NT5C3A: variants seen among roughly 807,000 people sequenced by gnomAD.
The protein encoded by NT5C3A is cytosolic 5'-nucleotidase 3A.
Under a neutral mutation model 40.0 loss-of-function variants are expected in NT5C3A, and 23 were observed. The ratio of observed to expected loss-of-function variants is 0.58; its 90% CI spans 0.41 to 0.81. The LOEUF (loss-of-function observed/expected upper bound fraction) is 0.81, where lower values mean the gene tolerates loss of function less well. Among genes scored for constraint, NT5C3A ranks in the 40% least tolerant of loss-of-function variants. The probability of loss-of-function intolerance (pLI) is 0.00; values close to 1 mark genes in which losing one functional copy is unlikely to be tolerated. For missense variants in NT5C3A, 328 were observed against 403.0 expected (o/e 0.81, Z 1.59); for synonymous variants, 130 against 141.4 (o/e 0.92, Z 0.57).
rs544635032 is a variant in NT5C3A, at chr7:33,061,187, C to T, written c.138+1381G>A. Among the ~76,000 whole-genome samples, 16 of 152,240 alleles carry T rather than the reference C, an allele frequency of 1.1e-4. 1 individual carries two copies. The South Asian group carries it at 2.9e-3, about 28-fold the overall frequency. ...TTTTCCCCTACATAGGCATTATTAA[C>T]CTTGGGCAAAAGAAAGCCAAGTTTT... On this transcript the variant is annotated intron_variant, in intron 1 of 8. Coordinates refer to ENST00000610140, the MANE Select transcript of NT5C3A (RefSeq NM_001002010.5).
Position 33,058,361 on chromosome 7 carries a change from T to G in NT5C3A, c.138+4207A>C, listed in dbSNP as rs1313872574. On this transcript the variant is annotated intron_variant, in intron 1 of 8. Transcript: ENST00000610140. Reference sequence around the variant, plus strand: ...TATTTTTTTATTTTATTTTATTTTATTTTGAGATGACATCCTGCTCTGTCA... The same window carrying G: ...TATTTTTTTATTTTATTTTATTTTAGTTTGAGATGACATCCTGCTCTGTCA... Among the ~76,000 whole-genome samples, 2 of 144,724 alleles carry G rather than the reference T, an allele frequency of 1.4e-5. 1 individual carries two copies. Among genetic ancestry groups the G allele is most frequent in the Admixed American group, 1.4e-4 (2 of 13,946 alleles). The allele number at this position is 144,724 out of a possible 152,430, so 94.9% of individuals were successfully genotyped here.
intron 1 of NT5C3A, among the ~76,000 whole-genome samples, chr7:33,060,683 G>A (rs546055746): frequency 6.6e-6 from 1 of 152,270 alleles, no homozygotes; most frequent in Admixed American, 6.5e-5. Context: ...ACCAATATGA[G>A]CTATGTCTGT....
chr7:33,022,426 T>C (rs1475485022), intron 3 of NT5C3A, among the ~76,000 whole-genome samples: 1 of 73,236 alleles, frequency 1.4e-5, no homozygotes, highest in Non-Finnish European at 2.9e-5. Context: ...TGTAATTAAA[T>C]ATAAGAAACA....
In NT5C3A at chr7:33,033,895, A is replaced by AAT. The variant is rs1562595145; in HGVS notation, c.139-6981_139-6980insAT. ...TAAAAGACATATATATATATATATA[A>AAT]TTTTTTTTTTTTTTGAGAGGGAGTC... is the stretch of plus-strand genomic sequence containing the variant. On this transcript the variant is annotated intron_variant, in intron 1 of 8. Coordinates refer to ENST00000610140, the MANE Select transcript of NT5C3A (RefSeq NM_001002010.5). 5.8e-4 allele frequency among the ~76,000 whole-genome samples: 80 copies of AAT among 137,162 alleles called. No individual in the cohort carries two copies. The East Asian group carries it at 0.016, about 28-fold the overall frequency. 90.0% of individuals were successfully genotyped at this position (137,162 alleles called of 152,430 possible).
chr7:33,053,966 AT>A (rs1405893275), intron 1 of NT5C3A, among the ~76,000 whole-genome samples: 2 of 152,248 alleles, frequency 1.3e-5, no homozygotes, highest in African/African-American at 4.8e-5. Context: ...GACAAACATG[AT>A]TTGAAAGGAC....
chr7:33,046,516 A>AG (rs1236539111), intron 1 of NT5C3A, among the ~76,000 whole-genome samples: 1 of 125,528 alleles, frequency 8.0e-6, no homozygotes, highest in Non-Finnish European at 1.7e-5. Flanking sequence ...CCTGTGTGAC[A>AG]GGGGGAGGTT....
chr7:33,053,106 G>C (rs1787435517), intron 1 of NT5C3A, among the ~76,000 whole-genome samples: 1 of 152,180 alleles, frequency 6.6e-6, no homozygotes, highest in African/African-American at 2.4e-5. Flanking sequence ...TCAATGGCTA[G>C]TATTGGTAAC....
intron 1 of NT5C3A, among the ~76,000 whole-genome samples, chr7:33,061,898 G>A (rs150213639): frequency 1.3e-5 from 2 of 152,258 alleles, no homozygotes; most frequent in East Asian, 1.9e-4. Context: ...GGGAATTCTT[G>A]AGACACCCTC....
chr7:33,050,547 A>C (rs756143892), intron 1 of NT5C3A, among the ~76,000 whole-genome samples: 1 of 152,222 alleles, frequency 6.6e-6, no homozygotes, highest in Non-Finnish European at 1.5e-5. Flanking sequence ...AAGGCAAAGG[A>C]GAAGGCTATG....
chr7:33,038,675 TATC>T (rs1460363628), intron 1 of NT5C3A, among the ~76,000 whole-genome samples: 1 of 152,150 alleles, frequency 6.6e-6, no homozygotes, highest in Admixed American at 6.5e-5. Context: ...TCTAAGGTCT[TATC>T]ATTTAAAAAG....
intron 1 of NT5C3A, among the ~76,000 whole-genome samples, chr7:33,051,294 G>A (rs960341029): frequency 6.6e-6 from 1 of 152,026 alleles, no homozygotes; most frequent in African/African-American, 2.4e-5. Flanking sequence ...CTCTTGGGTA[G>A]CAGGGATTAC....
chr7:33,062,546 C>A (rs764733016), intron 1 of NT5C3A, 22 bp downstream of exon 1: 4 of 1,603,156 alleles, frequency 2.5e-6, no homozygotes, highest in Admixed American at 3.3e-5. Context: ...GTGCTCTGGG[C>A]GCGCCGAGCC....
Position 33,045,907 on chromosome 7 carries a change from G to A in NT5C3A, c.138+16661C>T, listed in dbSNP as rs116911479. ...ATGGACCTGCTCTGTTTTCAACCAGGGCTAGTTCACCCCTCCTCAGGCAAC... is the reference window on the plus strand; with the variant it reads ...ATGGACCTGCTCTGTTTTCAACCAGAGCTAGTTCACCCCTCCTCAGGCAAC... On this transcript the variant is annotated intron_variant, in intron 1 of 8. Transcript: ENST00000610140. 5.2e-5 allele frequency: 8 copies of A among 152,434 alleles called. No individual in the cohort carries two copies. In the East Asian group the frequency reaches 1.5e-3, roughly 29 times the overall value. 9.4% of individuals were successfully genotyped at this position (152,434 alleles called of 1,614,324 possible). A position where few individuals can be genotyped will look rare whatever the true frequency, so the allele number is the denominator to read the frequency against.
At chr7:33,037,294 A>G (rs1157282886) in intron 1 of NT5C3A, among the ~76,000 whole-genome samples, 1 of 152,234 alleles carries the variant, frequency 6.6e-6, no homozygotes, top group East Asian at 1.9e-4. Flanking sequence ...AACATCTCTC[A>G]TCATTATTCT....
rs1220125033 is a variant in NT5C3A, at chr7:33,014,583, G to A, written c.*147C>T. ...TGGAGAAAAGGAGCTTCCAGTCAAT[G>A]CATTCACCATATCTGAAAATACTTC... is the stretch of plus-strand genomic sequence containing the variant. On this transcript the variant is annotated 3_prime_UTR_variant, in exon 9 of 9. Coordinates refer to ENST00000610140, the MANE Select transcript of NT5C3A (RefSeq NM_001002010.5). The A allele has an allele frequency of 1.8e-6, 2 of 1,141,068 alleles. No homozygotes were observed. The highest frequency in any genetic ancestry group is 2.6e-5 in the South Asian group (2 of 75,948). The allele number at this position is 1,141,068 out of a possible 1,614,324, so 70.7% of individuals were successfully genotyped here. A position where few individuals can be genotyped will look rare whatever the true frequency, so the allele number is the denominator to read the frequency against.
intron 1 of NT5C3A, among the ~76,000 whole-genome samples, chr7:33,035,199 T>G (rs550955506): frequency 2.7e-5 from 4 of 147,062 alleles, no homozygotes; most frequent in Admixed American, 2.0e-4. Flanking sequence ...GTTTTTTTTT[T>G]TTTTTTTTTT....
intron 2 of NT5C3A, among the ~76,000 whole-genome samples, chr7:33,024,510 C>G (rs1471688909): frequency 6.6e-6 from 1 of 151,708 alleles, no homozygotes; most frequent in East Asian, 1.9e-4. Context: ...AAGTTGATCT[C>G]ATGGAAACAG....
rs145306296 is a variant in NT5C3A, at chr7:33,033,897, T to A, written c.139-6982A>T. Reference sequence around the variant, plus strand: ...AAAGACATATATATATATATATAATTTTTTTTTTTTTTGAGAGGGAGTCTC... The same window carrying A: ...AAAGACATATATATATATATATAATATTTTTTTTTTTTGAGAGGGAGTCTC... On this transcript the variant is annotated intron_variant, in intron 1 of 8. Coordinates refer to ENST00000610140, the MANE Select transcript of NT5C3A (RefSeq NM_001002010.5). Among the ~76,000 whole-genome samples the A allele has an allele frequency of 7.3e-3, 386 of 53,178 alleles. 1 individual carries two copies. Among genetic ancestry groups the A allele is most frequent in the Admixed American group, 0.013 (79 of 6,194 alleles). The allele number at this position is 53,178 out of a possible 152,430, so 34.9% of individuals were successfully genotyped here.
At chr7:33,030,820 C>T (rs1786206474) in intron 1 of NT5C3A, among the ~76,000 whole-genome samples, 1 of 152,148 alleles carries the variant, frequency 6.6e-6, no homozygotes, top group Non-Finnish European at 1.5e-5. Context: ...GAAGCTCTGG[C>T]CAGGCGTGGT....
Sources: allele counts gnomAD v4.1 joint callset (sites outside exome capture counted in the v4.1 genomes callset), GRCh38; gene constraint gnomAD v4.1.1; transcripts MANE v1.5; gene names NCBI Gene and HGNC (gene_info 2026-07-23, HGNC 2026-07-21).